CCR6: variants seen among roughly 807,000 people sequenced by gnomAD.
CCR6 encodes C-C chemokine receptor type 6.
Under a neutral mutation model 3.0 loss-of-function variants are expected in CCR6, and 2 were observed. The ratio of observed to expected loss-of-function variants is 0.66; its 90% confidence interval spans 0.27 to 2.07. The LOEUF (loss-of-function observed/expected upper bound fraction) is 2.07. Ranked by LOEUF, CCR6 falls within the 30% of genes most tolerant of loss-of-function variation. CCR6 has a pLI of 0.14. For synonymous variants in CCR6, 193 were observed against 184.3 expected (o/e 1.05, Z -0.38); for missense variants, 322 against 462.8 (o/e 0.70, Z 2.79).
At chr6:167,135,888 T>G (rs529046910) in intron 1 of CCR6, 150 bp from the exon 2 acceptor site, 5 of 498,456 alleles carry the variant, frequency 1.0e-5, no homozygotes, top group Non-Finnish European at 1.7e-5. Flanking sequence ...AGAAAGAGGT[T>G]GCTGATGCCT....
chr6:167,134,833 A>C (rs1228407444), intron 1 of CCR6: 1 of 152,296 alleles, frequency 6.6e-6, no homozygotes, highest in African/African-American at 2.4e-5. Flanking sequence ...CATGGATTTT[A>C]CTGGGGGACG....
intron 1 of CCR6, among the ~76,000 whole-genome samples, chr6:167,125,850 C>T (rs1013415154): frequency 6.6e-6 from 1 of 151,038 alleles, no homozygotes; most frequent in African/African-American, 2.4e-5. Flanking sequence ...ATAAAAATTG[C>T]AAAAAAAATT....
chr6:167,131,854 G>A (rs985430525), intron 1 of CCR6, among the ~76,000 whole-genome samples: 2 of 152,176 alleles, frequency 1.3e-5, no homozygotes, highest in African/African-American at 4.8e-5. Flanking sequence ...TAATTTATAT[G>A]CAATAAATGT....
At chr6:167,132,506 G>A (rs574873686) in intron 1 of CCR6, among the ~76,000 whole-genome samples, 1 of 152,006 alleles carries the variant, frequency 6.6e-6, no homozygotes, top group Non-Finnish European at 1.5e-5. Context: ...AGTCCTTCCA[G>A]TGGGATCTCT....
chr6:167,118,838 T>C (rs1342413005), upstream of CCR6, among the ~76,000 whole-genome samples: 1 of 152,008 alleles, frequency 6.6e-6, no homozygotes, highest in Non-Finnish European at 1.5e-5. Context: ...TTAATGAAAA[T>C]GAATGGGTGA....
rs149922194 is a variant in CCR6, at chr6:167,125,337, CAG to C, written c.-98+2117_-98+2118del. 8.0e-3 allele frequency among the ~76,000 whole-genome samples: 1,217 copies of C among 152,354 alleles called. 29 individuals are homozygous for C. The highest frequency in any genetic ancestry group is 0.028 in the African/African-American group (1,170 of 41,586). ...TTTCCCCATATTGAATTTTCTTGGA[CAG>C]AGTCTGTCCTTGGCCAAAGGGATGA... On this transcript the variant is annotated intron_variant, in intron 1 of 2. Transcript: ENST00000341935.
intron 1 of CCR6, among the ~76,000 whole-genome samples, chr6:167,133,928 GTGTGTATATATATATA>G (rs1562560600): frequency 7.4e-5 from 3 of 40,546 alleles, no homozygotes; most frequent in African/African-American, 3.7e-4. Flanking sequence ...TATGATATAT[GTGTGTATATATATATA>G]TATATATATA....
At chr6:167,122,569 G>A (rs549637584), upstream of CCR6, among the ~76,000 whole-genome samples, 15 of 152,280 alleles carry the variant, frequency 9.9e-5, no homozygotes, top group South Asian at 1.2e-3. This position sits in a 1 kb window ranked among gnomAD's most constrained non-coding sequence, Gnocchi z 4.2. Flanking sequence ...GCTGCTCCTC[G>A]GCTTCCGTGG....
At chr6:167,121,322 C>T (rs1038175321), upstream of CCR6, among the ~76,000 whole-genome samples, 10 of 152,250 alleles carry the variant, frequency 6.6e-5, no homozygotes, top group African/African-American at 2.2e-4. Context: ...TTTTTGGTCC[C>T]CAGCAAAGTC....
At chr6:167,132,527 C>G (rs1426212359) in intron 1 of CCR6, among the ~76,000 whole-genome samples, 3 of 150,778 alleles carry the variant, frequency 2.0e-5, no homozygotes, top group Non-Finnish European at 4.4e-5. Context: ...GTGTGTGTGT[C>G]TGTGTGTGTG....
At chr6:167,125,847 T>A (rs1217838833) in intron 1 of CCR6, among the ~76,000 whole-genome samples, 1 of 152,042 alleles carries the variant, frequency 6.6e-6, no homozygotes, top group African/African-American at 2.4e-5. Context: ...GCAATAAAAA[T>A]TGCAAAAAAA....
exon 1 of CCR6, chr6:167,111,983 G>C (rs1471428324): frequency 6.6e-6 from 1 of 152,154 alleles, no homozygotes; most frequent in Non-Finnish European, 1.5e-5. Context: ...TGTGGCTGTT[G>C]GTTTGTGGAA....
intron 1 of CCR6, among the ~76,000 whole-genome samples, chr6:167,130,992 C>CCCCTCTCTCCGGGACT (rs1562559675): frequency 8.5e-6 from 1 of 118,208 alleles, no homozygotes; most frequent in African/African-American, 3.6e-5. Context: ...CCTCTGGACC[C>CCCCTCTCTCCGGGACT]CCTCCCTTTG....
At chr6:167,122,582 G>C (rs191039772), upstream of CCR6, among the ~76,000 whole-genome samples, 302 of 152,278 alleles carry the variant, frequency 2.0e-3, 1 homozygote, top group African/African-American at 6.9e-3. The surrounding 1 kb of genome is among the most constrained non-coding windows in gnomAD (Gnocchi z 4.2). Flanking sequence ...TTCCGTGGAC[G>C]GGCATGGCTA....
At chr6:167,117,547 G>A (rs970206222) in intron 1 of CCR6, among the ~76,000 whole-genome samples, 1 of 150,814 alleles carries the variant, frequency 6.6e-6, no homozygotes, top group Non-Finnish European at 1.5e-5. Context: ...CTCCCGAGTA[G>A]CTGGGACTAC....
chr6:167,135,242 A>G (rs1391383565), intron 1 of CCR6, among the ~76,000 whole-genome samples: 1 of 152,210 alleles, frequency 6.6e-6, no homozygotes. Flanking sequence ...ACCATTCTCC[A>G]AGAACCCTGA....
intron 1 of CCR6, among the ~76,000 whole-genome samples, chr6:167,134,613 C>G (rs961011755): frequency 5.9e-5 from 9 of 152,206 alleles, no homozygotes; most frequent in African/African-American, 2.2e-4. Flanking sequence ...TCAGTATCCA[C>G]GTGGACTCGT....
At chr6:167,122,421 C>T (rs995765548), upstream of CCR6, among the ~76,000 whole-genome samples, 3 of 152,150 alleles carry the variant, frequency 2.0e-5, no homozygotes, top group Admixed American at 6.5e-5. This position sits in a 1 kb window ranked among gnomAD's most constrained non-coding sequence, Gnocchi z 4.2. Flanking sequence ...GGCAGTGACC[C>T]GCATCGTCAC....
At chr6:167,118,218 C>T (rs1041832057), upstream of CCR6, among the ~76,000 whole-genome samples, 5 of 152,218 alleles carry the variant, frequency 3.3e-5, no homozygotes, top group Non-Finnish European at 2.9e-5. Context: ...ATCATAATTA[C>T]AAAGCTGCCA....
Sources: allele counts gnomAD v4.1 joint callset (sites outside exome capture counted in the v4.1 genomes callset), GRCh38; gene constraint gnomAD v4.1.1; non-coding constraint Gnocchi (gnomAD v3.1); transcripts MANE v1.5; gene names NCBI Gene and HGNC (gene_info 2026-07-23, HGNC 2026-07-21).